Variants in PSG6 observed in about 807,000 individuals in gnomAD.
PSG6 encodes pregnancy-specific beta-1-glycoprotein 6.
In PSG6, 51 loss-of-function variants were observed where a neutral mutation model predicts 43.3. The observed-to-expected ratio is 1.18, with a 90% confidence interval of 0.94 to 1.49. PSG6 has a LOEUF of 1.49. Among genes scored for constraint, PSG6 ranks in the 40% most tolerant of loss-of-function variants. PSG6 has a pLI of 0.00. For synonymous variants in PSG6, 292 were observed against 197.6 expected (o/e 1.48, Z -4.01); for missense variants, 770 against 522.2 (o/e 1.47, Z -4.62).
chr19:42,912,627 A>G (rs1235902864), intron 2 of PSG6, among the ~76,000 whole-genome samples: 1 of 151,868 alleles, frequency 6.6e-6, no homozygotes, highest in Non-Finnish European at 1.5e-5. Flanking sequence ...ACCTGCTTCT[A>G]ATTTCTGTGC....
rs1972117748 is a variant in PSG6 at position 42,906,671 on chromosome 19, T to A, written c.1240+251A>T. 17 of 1,423,834 alleles carry A rather than the reference T, an allele frequency of 1.2e-5. No individual in the cohort carries two copies. In the South Asian group the frequency reaches 2.4e-4, roughly 20 times the overall value. The allele number at this position is 1,423,834 out of a possible 1,614,324, so 88.2% of individuals were successfully genotyped here. On this transcript the variant is annotated intron_variant, in intron 5 of 5. Coordinates refer to ENST00000187910, the MANE Select transcript of PSG6 (RefSeq NM_001031850.4). Reference sequence around the variant, plus strand: ...CCTCTGTGAAGCCTCTTCTACCACATAGGGCTCAGGGCTGATAAAGCCCCC... The same window carrying A: ...CCTCTGTGAAGCCTCTTCTACCACAAAGGGCTCAGGGCTGATAAAGCCCCC...
At chr19:42,910,542 A>T (rs1972199299) in intron 3 of PSG6, 38 bp downstream of exon 3, 5 of 1,612,372 alleles carry the variant, frequency 3.1e-6, no homozygotes, top group African/African-American at 1.3e-5. Context: ...TGTATTTGGG[A>T]TGGCAGCCTG....
chr19:42,910,365 C>G (rs747958973), intron 3 of PSG6: 23 of 1,240,660 alleles, frequency 1.9e-5, no homozygotes, highest in Middle Eastern at 5.5e-4. Context: ...AGCTGTGGAA[C>G]CTGAGTCTCC....
At chr19:42,904,011 A>G (rs1033328947) in intron 5 of PSG6, among the ~76,000 whole-genome samples, 1 of 151,832 alleles carries the variant, frequency 6.6e-6, no homozygotes, top group African/African-American at 2.4e-5. Flanking sequence ...TGGATAACCT[A>G]GATGAAATAG....
intron 2 of PSG6, chr19:42,915,470 G>A (rs1000587533): frequency 1.3e-5 from 2 of 153,216 alleles, no homozygotes; most frequent in African/African-American, 4.9e-5. Flanking sequence ...GAGTGTCCTA[G>A]GCCTCCTAAG....
rs141749854 is a variant in PSG6 at position 42,907,695 on chromosome 19, A to G, written c.866T>C (p.Ile289Thr). The change falls in exon 4 of 6, where the codon ATT (isoleucine) becomes ACT (threonine). Residue 289 changes from isoleucine (I) to threonine (T), a missense_variant. Physicochemically the swap from Ile to Thr is moderately conservative, Grantham distance 89 (BLOSUM62 -1). Coordinates refer to ENST00000187910, the MANE Select transcript of PSG6 (RefSeq NM_001031850.4). ...LPVSPRVKRP[I>T]ENRILILPSV... The stretch of plus-strand genomic sequence containing the variant: ...GGGTAGAATGAGTATCCTGTTTTCA[A>G]TGGGTCGCTTTACCCTCGGACTGAC... 1.3e-4 allele frequency: 203 copies of G among 1,610,866 alleles called. 2 individuals carry two copies. In the African/African-American group the frequency reaches 2.2e-3, roughly 18 times the overall value.
chr19:42,914,411 G>A (rs367753017), intron 2 of PSG6, among the ~76,000 whole-genome samples: 1 of 150,288 alleles, frequency 6.7e-6, no homozygotes, highest in East Asian at 2.0e-4. Context: ...AGAATGAAGT[G>A]GGAGGAAGAT....
intron 3 of PSG6, among the ~76,000 whole-genome samples, chr19:42,908,236 C>T (rs945620346): frequency 1.3e-5 from 2 of 151,604 alleles, no homozygotes; most frequent in African/African-American, 4.8e-5. Context: ...TCCTACTTTG[C>T]CCCCCTAGAT....
At chr19:42,911,861 A>C (rs983908679) in intron 2 of PSG6, among the ~76,000 whole-genome samples, 1 of 151,492 alleles carries the variant, frequency 6.6e-6, no homozygotes, top group African/African-American at 2.4e-5. Flanking sequence ...TGGATTCCAG[A>C]GGGAATCAGA....
chr19:42,913,033 A>G (rs1300600089), intron 2 of PSG6, among the ~76,000 whole-genome samples: 2 of 150,776 alleles, frequency 1.3e-5, no homozygotes, highest in African/African-American at 4.9e-5. Flanking sequence ...TTTTTTCCCC[A>G]CTCTTTTTGA....
intron 2 of PSG6, 129 bp from the exon 3 acceptor site, chr19:42,910,987 G>A: frequency 1.3e-6 from 2 of 1,494,268 alleles, no homozygotes; most frequent in South Asian, 1.4e-5. Flanking sequence ...TGGCAGGTGT[G>A]TGTGTTACAA....
At chr19:42,911,871 A>T (rs1430469000) in intron 2 of PSG6, among the ~76,000 whole-genome samples, 2 of 151,460 alleles carry the variant, frequency 1.3e-5, no homozygotes, top group African/African-American at 4.9e-5. Context: ...AGGGAATCAG[A>T]GATTAGAATA....
intron 2 of PSG6, chr19:42,915,912 A>G: frequency 1.4e-6 from 1 of 709,124 alleles, no homozygotes; most frequent in Non-Finnish European, 2.2e-6. Context: ...CTTCCTCTGC[A>G]GCGAGTGTCT....
rs1010388966 is a variant in PSG6 at position 42,910,624 on chromosome 19, G to C, written c.662C>G (p.Pro221Arg). ...TGGGTCACTGCGGCTGGCACTCACT[G>C]GGTTCCGTATTTCACATTCATAGGG... is the stretch of plus-strand genomic sequence containing the variant. ...AGPYECEIRN[P>R]VSASRSDPVT... Residue 221 changes from proline to arginine, a missense_variant, in exon 3 of 6, where the codon CCA becomes CGA. Pro to Arg is a moderately radical substitution (Grantham distance 103). Transcript: ENST00000187910. 5.1e-5 allele frequency: 82 copies of C among 1,612,318 alleles called. 2 individuals are homozygous for C. Among genetic ancestry groups the C allele is most frequent in the Non-Finnish European group, 6.8e-5 (80 of 1,179,234 alleles).
At chr19:42,907,259 C>G in intron 4 of PSG6, 83 bp from the exon 5 acceptor site, 1 of 1,543,980 alleles carries the variant, frequency 6.5e-7, no homozygotes, top group South Asian at 1.3e-5. Context: ...CACAGTGACC[C>G]TCTGAACCAA....
chr19:42,910,401 T>C (rs761048345), intron 3 of PSG6, 179 bp downstream of exon 3: 2 of 1,499,766 alleles, frequency 1.3e-6, no homozygotes, highest in Non-Finnish European at 9.2e-7. Context: ...CTCTTCTCTC[T>C]TATTGTTGAT....
chr19:42,903,971 A>G (rs1243229185), intron 5 of PSG6, among the ~76,000 whole-genome samples: 2 of 151,742 alleles, frequency 1.3e-5, no homozygotes, highest in African/African-American at 4.8e-5. Flanking sequence ...TGATTATGAA[A>G]GTACTATAAA....
chr19:42,914,766 C>G (rs1972293324), intron 2 of PSG6, among the ~76,000 whole-genome samples: 1 of 151,570 alleles, frequency 6.6e-6, no homozygotes, highest in Non-Finnish European at 1.5e-5. Context: ...TGTGAGAGCT[C>G]CTGAGTGTGT....
At position 42,917,363 on chromosome 19, in the gene PSG6, C is replaced by CTT. The variant is rs35188962; in HGVS notation, c.64+364_64+365dup. Among the ~76,000 whole-genome samples, 85 of 123,318 alleles carry CTT rather than the reference C, an allele frequency of 6.9e-4. 2 individuals carry two copies. Among genetic ancestry groups the CTT allele is most frequent in the African/African-American group, 1.3e-3 (41 of 31,284 alleles). 80.9% of individuals were successfully genotyped at this position (123,318 alleles called of 152,430 possible). On this transcript the variant is annotated intron_variant, in intron 1 of 5. Transcript: ENST00000187910. Reference sequence around the variant, plus strand: ...CCTTTTTTTCTTTCTTCTTTTTATTCTTTTTTTTTTTTTTTTTTGAAATGG... The same window carrying CTT: ...CCTTTTTTTCTTTCTTCTTTTTATTCTTTTTTTTTTTTTTTTTTTTGAAATGG...
Sources: gnomAD v4.1 joint callset for allele counts (sites outside exome capture counted in the v4.1 genomes callset) on GRCh38, gnomAD v4.1.1 for gene constraint, MANE v1.5 for transcripts, NCBI Gene and HGNC (gene_info 2026-07-23, HGNC 2026-07-21) for gene names.